BAZ2B: variants seen among roughly 807,000 people sequenced by gnomAD.
BAZ2B encodes bromodomain adjacent to zinc finger domain protein 2B.
BAZ2B carries 91 observed loss-of-function variants against 246.0 expected under a neutral mutation model. That is an observed-to-expected ratio of 0.37 (90% CI 0.31 to 0.44). BAZ2B has a LOEUF of 0.44. Ranked by LOEUF, BAZ2B falls within the 20% of genes least tolerant of loss-of-function variation. The probability of loss-of-function intolerance (pLI) is 1.00; values close to 1 mark genes in which losing one functional copy is unlikely to be tolerated. For missense variants in BAZ2B, 2,332 were observed against 2,533.7 expected (o/e 0.92, Z 1.71); for synonymous variants, 855 against 860.0 (o/e 0.99, Z 0.10).
intron 33 of BAZ2B, among the ~76,000 whole-genome samples, chr2:159,333,866 A>G (rs2065183382): frequency 1.3e-5 from 2 of 152,156 alleles, no homozygotes; most frequent in African/African-American, 4.8e-5. Context: ...TGTATATACT[A>G]TATATTTCAT....
chr2:159,506,257 GCTT>G (rs2082316299), intron 2 of BAZ2B, among the ~76,000 whole-genome samples: 1 of 152,070 alleles, frequency 6.6e-6, no homozygotes, highest in Non-Finnish European at 1.5e-5. Flanking sequence ...ATGGTCTATT[GCTT>G]CTTGAGGCTC....
intron 1 of BAZ2B, among the ~76,000 whole-genome samples, chr2:159,578,911 A>G (rs1686028248): frequency 6.6e-6 from 1 of 152,224 alleles, no homozygotes; most frequent in Non-Finnish European, 1.5e-5. Flanking sequence ...CACCTCTGGG[A>G]CACATTTAAA....
At chr2:159,540,580 A>C (rs560719297) in intron 2 of BAZ2B, among the ~76,000 whole-genome samples, 1 of 152,330 alleles carries the variant, frequency 6.6e-6, no homozygotes, top group South Asian at 2.1e-4. Context: ...ATCCATACTA[A>C]GGTCTCTTGA....
In BAZ2B at chr2:159,349,940, G is replaced by C. The variant is rs370612705; in HGVS notation, c.4631C>G (p.Pro1544Arg). ...CAGCGTTTTTAGTAACTGGTCATTG[G>C]GGAGAGGACTGTAGAACTTCCCTGG... is the stretch of plus-strand genomic sequence containing the variant. ...SGPGKFYSPL[P>R]NDQLLKTLTE... The change falls in exon 28 of 37, where the codon CCC (proline) becomes CGC (arginine). Residue 1544 changes from proline (P) to arginine (R), a missense_variant. Physicochemically the swap from Pro to Arg is moderately radical, Grantham distance 103. Coordinates refer to ENST00000392783, the MANE Select transcript of BAZ2B (RefSeq NM_013450.4). 2.7e-5 allele frequency: 43 copies of C among 1,614,014 alleles called. No individual in the cohort carries two copies. The highest frequency in any genetic ancestry group is 3.6e-5 in the Non-Finnish European group (42 of 1,179,994).
upstream of BAZ2B, among the ~76,000 whole-genome samples, chr2:159,617,593 T>G (rs1696234887): frequency 6.6e-6 from 1 of 152,100 alleles, no homozygotes; most frequent in Non-Finnish European, 1.5e-5. Flanking sequence ...TAAGTAAAAA[T>G]TAAGCTATCG....
chr2:159,449,388 A>G (rs974166178), intron 4 of BAZ2B, among the ~76,000 whole-genome samples: 1 of 151,702 alleles, frequency 6.6e-6, no homozygotes, highest in Non-Finnish European at 1.5e-5. Context: ...TGACAACCAT[A>G]AGAACATTAG....
intron 1 of BAZ2B, among the ~76,000 whole-genome samples, chr2:159,558,908 A>C (rs2089520348): frequency 6.6e-6 from 1 of 152,194 alleles, no homozygotes; most frequent in African/African-American, 2.4e-5. Context: ...TCTCTAAACT[A>C]ACCTTCTCTA....
chr2:159,366,060 T>C (rs2149337544), intron 27 of BAZ2B, among the ~76,000 whole-genome samples: 1 of 152,328 alleles, frequency 6.6e-6, no homozygotes, highest in South Asian at 2.1e-4. Flanking sequence ...TACTCCTACC[T>C]GGTATTAACC....
At chr2:159,564,266 CAGAGTAAGATAGGGGGT>C (rs1234865773) in intron 1 of BAZ2B, among the ~76,000 whole-genome samples, 1 of 148,504 alleles carries the variant, frequency 6.7e-6, no homozygotes, top group African/African-American at 2.5e-5. Context: ...AGGGCTAGTG[CAGAGTAAGATAGGGGGT>C]AGGAGAGCAA....
chr2:159,514,949 A>G (rs2083281194), intron 2 of BAZ2B, among the ~76,000 whole-genome samples: 1 of 152,126 alleles, frequency 6.6e-6, no homozygotes, highest in African/African-American at 2.4e-5. Context: ...CCAGTAATTT[A>G]TATCAAAAAT....
At chr2:159,618,484 A>G (rs866754301), upstream of BAZ2B, among the ~76,000 whole-genome samples, 2 of 152,130 alleles carry the variant, frequency 1.3e-5, no homozygotes, top group African/African-American at 2.4e-5. Flanking sequence ...TTTACTAATA[A>G]TGTTCCAGAA....
chr2:159,466,761 G>C (rs1250163381), intron 3 of BAZ2B, among the ~76,000 whole-genome samples: 6 of 152,186 alleles, frequency 3.9e-5, no homozygotes, highest in African/African-American at 1.4e-4. Flanking sequence ...AGCCACGGAA[G>C]AAGACTGATG....
At chr2:159,435,788 C>T (rs1392947182) in intron 8 of BAZ2B, among the ~76,000 whole-genome samples, 1 of 152,194 alleles carries the variant, frequency 6.6e-6, no homozygotes, top group Non-Finnish European at 1.5e-5. Flanking sequence ...CCGCACTCAG[C>T]CTGAAATACT....
chr2:159,686,553 G>C, the BAZ2B span, among the ~76,000 whole-genome samples: 1 of 152,128 alleles, frequency 6.6e-6, no homozygotes, highest in Non-Finnish European at 1.5e-5. Context: ...GGAGATTTGA[G>C]AGATGTAGCA....
chr2:159,652,178 T>C, the BAZ2B span, among the ~76,000 whole-genome samples: 3 of 151,948 alleles, frequency 2.0e-5, no homozygotes, highest in Non-Finnish European at 4.4e-5. Flanking sequence ...GGGATGCTAA[T>C]TTCTCTCCAT....
chr2:159,427,255 A>C (rs2070111175), intron 13 of BAZ2B, among the ~76,000 whole-genome samples: 1 of 152,142 alleles, frequency 6.6e-6, no homozygotes, highest in African/African-American at 2.4e-5. Context: ...AATACAACTA[A>C]GGAACAAAGG....
chr2:159,594,639 T>C (rs892693759), intron 1 of BAZ2B, among the ~76,000 whole-genome samples: 6 of 152,160 alleles, frequency 3.9e-5, no homozygotes, highest in African/African-American at 1.4e-4. Context: ...GACAGTTTTT[T>C]TTTTTTTCTT....
intron 3 of BAZ2B, chr2:159,463,536 C>A (rs1230906879): frequency 6.5e-6 from 1 of 152,806 alleles, no homozygotes; most frequent in Non-Finnish European, 1.5e-5. Flanking sequence ...ACATCCTTGC[C>A]AATACTTGTC....
intron 27 of BAZ2B, among the ~76,000 whole-genome samples, chr2:159,358,889 A>G (rs1362197338): frequency 1.3e-5 from 2 of 152,206 alleles, no homozygotes; most frequent in Non-Finnish European, 2.9e-5. Flanking sequence ...TGAAGGCAGA[A>G]ATAAATAAGT....
Sources: gnomAD v4.1 joint callset for allele counts (sites outside exome capture counted in the v4.1 genomes callset) on GRCh38, gnomAD v4.1.1 for gene constraint, MANE v1.5 for transcripts, NCBI Gene and HGNC (gene_info 2026-07-23, HGNC 2026-07-21) for gene names.